Variants in DUOX1 observed in about 807,000 individuals in gnomAD.
The protein encoded by DUOX1 is dual oxidase 1.
Under a neutral mutation model 181.8 loss-of-function variants are expected in DUOX1, and 134 were observed. That is an observed-to-expected ratio of 0.74 (90% CI 0.64 to 0.85). The LOEUF (loss-of-function observed/expected upper bound fraction) is 0.85, where lower values mean the gene tolerates loss of function less well. Among genes scored for constraint, DUOX1 ranks in the 40% least tolerant of loss-of-function variants. The pLI, the probability that DUOX1 is intolerant of heterozygous loss-of-function variation, is 0.00. For missense variants in DUOX1, 1,814 were observed against 2,064.4 expected (o/e 0.88, Z 2.35); for synonymous variants, 798 against 832.5 (o/e 0.96, Z 0.71).
In DUOX1 at chr15:45,133,497, TTGTGTCCCC is replaced by T. The variant is rs537791944; in HGVS notation, c.59-365_59-357del. Among the ~76,000 whole-genome samples, 16 of 152,244 alleles carry T rather than the reference TTGTGTCCCC, an allele frequency of 1.1e-4. No individual in the cohort carries two copies. In the South Asian group the frequency reaches 3.3e-3, roughly 32 times the overall value. On this transcript the variant is annotated intron_variant, in intron 2 of 33. Transcript: ENST00000389037. ...AGGGCTGGGGATGGATTCTGTCCTGTTGTGTCCCCTCAGGGAGCTGAAGTTTAAGGGGAG... is the reference window on the plus strand; with the variant it reads ...AGGGCTGGGGATGGATTCTGTCCTGTTCAGGGAGCTGAAGTTTAAGGGGAG...
rs777695047 is a variant in DUOX1, at chr15:45,152,296, T to C, written c.3204T>C (p.Phe1068=). The change falls in exon 25 of 34, where the codon TTT becomes TTC. Residue 1068 remains phenylalanine (F), a synonymous_variant. Coordinates refer to ENST00000389037, the MANE Select transcript of DUOX1 (RefSeq NM_175940.3). ...GGGCCCCCTCCACAGACTACGCCTTTGCCGCACATCACACGGGCATCACAG... is the reference window on the plus strand; with the variant it reads ...GGGCCCCCTCCACAGACTACGCCTTCGCCGCACATCACACGGGCATCACAG... ...LFLERAYYYA[F]AAHHTGITDT... 8 of 1,613,728 alleles carry C rather than the reference T, an allele frequency of 5.0e-6. No individual in the cohort carries two copies. In the African/African-American group the frequency reaches 5.3e-5, roughly 11 times the overall value.
chr15:45,163,741 G>T, intron 32 of DUOX1, 49 bp from the exon 33 acceptor site: 6 of 1,613,402 alleles, frequency 3.7e-6, no homozygotes, highest in Non-Finnish European at 5.1e-6. Context: ...GCTAGGAATT[G>T]ACCCTAGCTG....
In DUOX1 at chr15:45,163,539, T is replaced by G. The variant is rs574683507; in HGVS notation, c.4256T>G (p.Phe1419Cys). Residue 1419 changes from phenylalanine to cysteine, a missense_variant, in exon 32 of 34, where the codon TTC (phenylalanine) becomes TGC (cysteine). By Grantham distance (205) the Phe-to-Cys change is radical. Transcript: ENST00000389037. ...SCQVFCKKIY[F>C]IWVTRTQRQF... ...CCAGCCCTGTGTCCCCAGATCTACT[T>G]CATCTGGGTGACGCGGACCCAGCGT... 2 of 1,614,058 alleles carry G rather than the reference T, an allele frequency of 1.2e-6. No homozygotes were observed. Among genetic ancestry groups the G allele is most frequent in the African/African-American group, 2.7e-5 (2 of 75,014 alleles).
chr15:45,156,081 A>G (rs532465414), intron 28 of DUOX1, 152 bp downstream of exon 28: 1 of 1,126,680 alleles, frequency 8.9e-7, no homozygotes, highest in Non-Finnish European at 1.3e-6. Flanking sequence ...AGATGATAGT[A>G]CAGGGCTCTC....
chr15:45,135,319 A>G, intron 5 of DUOX1, 28 bp downstream of exon 5: 1 of 1,565,342 alleles, frequency 6.4e-7, no homozygotes, highest in South Asian at 1.1e-5. Flanking sequence ...GCGGGAAGGG[A>G]CCGCACCCCA....
rs745775923 is a variant in DUOX1, at chr15:45,134,160, G to A, written c.158G>A (p.Arg53His). The change falls in exon 4 of 34, where the codon CGC becomes CAC. Residue 53 changes from arginine (R) to histidine (H), a missense_variant. Physicochemically the swap from Arg to His is conservative, Grantham distance 29 (BLOSUM62 0). Coordinates refer to ENST00000389037, the MANE Select transcript of DUOX1 (RefSeq NM_175940.3). ...RWGSKGSRLQ[R>H]LVPASYADGV... is the part of the protein sequence containing the mutation. ...CCTACCCCAGGCTCCCGGCTGCAGC[G>A]CCTGGTCCCAGCCAGCTATGCAGAT... 1.4e-5 allele frequency: 21 copies of A among 1,553,682 alleles called. No homozygotes were observed. The highest frequency in any genetic ancestry group is 8.4e-5 in the Admixed American group (4 of 47,468).
chr15:45,132,659 G>A (rs1043793720), intron 2 of DUOX1, among the ~76,000 whole-genome samples: 1 of 152,178 alleles, frequency 6.6e-6, no homozygotes, highest in Non-Finnish European at 1.5e-5. Flanking sequence ...AGAAGGATCT[G>A]TCCTGGCTGG....
chr15:45,149,936 C>T (rs1403348978), intron 21 of DUOX1, among the ~76,000 whole-genome samples: 1 of 152,250 alleles, frequency 6.6e-6, no homozygotes, highest in Admixed American at 6.5e-5. Flanking sequence ...TTTGAGAGTA[C>T]AGGCATTAAT....
chr15:45,153,279 C>A, intron 25 of DUOX1, 101 bp from the exon 26 acceptor site: 1 of 734,260 alleles, frequency 1.4e-6, no homozygotes, highest in Non-Finnish European at 2.4e-6. Flanking sequence ...AGGTACTTCT[C>A]TGGGACCCCC....
At position 45,137,968 on chromosome 15, in the gene DUOX1, G is replaced by T. The variant is rs140047626; in HGVS notation, c.1067G>T (p.Ser356Ile). The change falls in exon 10 of 34, where the codon AGT (serine) becomes ATT (isoleucine). Residue 356 changes from serine (S) to isoleucine (I), a missense_variant. Around this residue, in one of 5 missense-constraint regions of DUOX1, gnomAD observed 1,064 missense variants for 1,152.9 expected, o/e 0.92. Transcript: ENST00000389037. ...CAGGGGGTCATCAATCGGAACTCAA[G>T]TGTCTCCAGAGCTCTCCGGGTCTGC... ...HFQGVINRNS[S>I]VSRALRVCNS... is the part of the protein sequence containing the mutation. 1 of 1,610,866 alleles carries T rather than the reference G, an allele frequency of 6.2e-7. No homozygotes were observed. The highest frequency in any genetic ancestry group is 1.3e-5 in the African/African-American group (1 of 74,736).
chr15:45,148,759 G>A (rs966120565), intron 21 of DUOX1, among the ~76,000 whole-genome samples: 1 of 152,056 alleles, frequency 6.6e-6, no homozygotes, highest in Non-Finnish European at 1.5e-5. Flanking sequence ...TCAGGATAGG[G>A]TAGGAAATGG....
chr15:45,154,402 G>T (rs1245620322), intron 27 of DUOX1, among the ~76,000 whole-genome samples: 1 of 152,176 alleles, frequency 6.6e-6, no homozygotes, highest in East Asian at 1.9e-4. Flanking sequence ...TGTCAAGCCA[G>T]ACAGAGGCGC....
chr15:45,133,090 G>T (rs1029835538), intron 2 of DUOX1, among the ~76,000 whole-genome samples: 1 of 152,206 alleles, frequency 6.6e-6, no homozygotes, highest in Non-Finnish European at 1.5e-5. Context: ...TGATCAGAAA[G>T]ATCCCTGCTC....
chr15:45,133,656 C>T (rs976273222), intron 2 of DUOX1, among the ~76,000 whole-genome samples: 2 of 152,220 alleles, frequency 1.3e-5, no homozygotes, highest in Non-Finnish European at 2.9e-5. Flanking sequence ...TGCCATGTCT[C>T]CCCCACTGAG....
At chr15:45,159,448 T>G (rs1305659672) in intron 28 of DUOX1, among the ~76,000 whole-genome samples, 3 of 151,964 alleles carry the variant, frequency 2.0e-5, no homozygotes, top group Non-Finnish European at 4.4e-5. Context: ...CTTCTAAGAG[T>G]AGGAGCCAAC....
intron 9 of DUOX1, 119 bp from the exon 10 acceptor site, chr15:45,137,805 C>T: frequency 6.6e-6 from 5 of 761,498 alleles, no homozygotes; most frequent in South Asian, 2.2e-5. Context: ...CCGAACCACA[C>T]ACCACCTCGG....
rs927414464 is a variant in DUOX1, at chr15:45,132,539, G to A, written c.58+515G>A. 7.2e-5 allele frequency among the ~76,000 whole-genome samples: 11 copies of A among 152,294 alleles called. 1 individual carries two copies. The East Asian group carries it at 1.3e-3, about 19-fold the overall frequency. ...AATCTGAGGCTGCTCTCTGCAGTCCGGATCTCTGTGGAGGGAAGTGGGCCT... is the reference window on the plus strand; with the variant it reads ...AATCTGAGGCTGCTCTCTGCAGTCCAGATCTCTGTGGAGGGAAGTGGGCCT... On this transcript the variant is annotated intron_variant, in intron 2 of 33. Transcript: ENST00000389037.
chr15:45,139,797 G>A (rs950264348), intron 12 of DUOX1, 198 bp downstream of exon 12: 33 of 666,596 alleles, frequency 5.0e-5, no homozygotes, highest in South Asian at 1.3e-4. Context: ...CTTTGCACTC[G>A]GATTGTTCAG....
intron 12 of DUOX1, 33 bp downstream of exon 12, chr15:45,139,632 G>A (rs373394196): frequency 1.9e-5 from 29 of 1,510,914 alleles, no homozygotes; most frequent in Middle Eastern, 1.9e-4. Context: ...AGGGTAGGGC[G>A]GGAGGGACAA....
Sources: gnomAD v4.1 joint callset for allele counts (sites outside exome capture counted in the v4.1 genomes callset) on GRCh38, gnomAD v4.1.1 for gene constraint, gnomAD v4.1.1 regional missense constraint, MANE v1.5 for transcripts, NCBI Gene and HGNC (gene_info 2026-07-23, HGNC 2026-07-21) for gene names.